CUX1: variants seen among roughly 807,000 people sequenced by gnomAD.
CUX1 encodes the protein cut like homeobox 1.
CUX1 carries 31 observed loss-of-function variants against 158.8 expected under a neutral mutation model. That is an observed-to-expected ratio of 0.20 (90% CI 0.15 to 0.26). The LOEUF (loss-of-function observed/expected upper bound fraction) is 0.26. CUX1 is among the 10% of genes least tolerant of loss of function. The probability of loss-of-function intolerance (pLI) is 1.00; values close to 1 mark genes in which losing one functional copy is unlikely to be tolerated. For missense variants in CUX1, 1,589 were observed against 2,014.6 expected, an observed-to-expected ratio of 0.79 and a Z score of 4.04; for synonymous variants, 879 against 862.1, an observed-to-expected ratio of 1.02 and a Z score of -0.34.
chr7:102,019,404 T>C (rs1819071960), intron 2 of CUX1, among the ~76,000 whole-genome samples: 1 of 152,154 alleles, frequency 6.6e-6, no homozygotes. Context: ...TTTCTATTTT[T>C]AGTAGAGTTG....
At chr7:102,141,789 A>ATTTTTT (rs71123009) in intron 8 of CUX1, among the ~76,000 whole-genome samples, 25 of 102,564 alleles carry the variant, frequency 2.4e-4, no homozygotes, top group Middle Eastern at 7.2e-3. Context: ...CTCTCAGCTA[A>ATTTTTT]TTTTTTTTTT....
At chr7:102,035,295 A>G (rs934385564) in intron 3 of CUX1, among the ~76,000 whole-genome samples, 1 of 152,150 alleles carries the variant, frequency 6.6e-6, no homozygotes, top group African/African-American at 2.4e-5. Flanking sequence ...GTTTCAGTAC[A>G]GTATTCAATA....
intron 3 of CUX1, among the ~76,000 whole-genome samples, chr7:102,038,275 G>A (rs1254192061): frequency 2.0e-5 from 3 of 152,176 alleles, no homozygotes; most frequent in Admixed American, 6.6e-5. Context: ...TGTATGTGGG[G>A]TAACCTTGGC....
chr7:101,816,887 G>A (rs1342365207), upstream of CUX1: 2 of 978,928 alleles, frequency 2.0e-6, no homozygotes, highest in Admixed American at 1.3e-4. Flanking sequence ...CCGCGCCGCC[G>A]CTCCGGCACC....
At position 101,858,241 on chromosome 7, in the gene CUX1, C is replaced by G. The variant is rs537839332; in HGVS notation, c.30+40572C>G. On this transcript the variant is annotated intron_variant, in intron 1 of 23. Transcript: ENST00000292535. ...ATTCCTTAAGAATAAAGTTAAGCAGCAGCTAACCAAGCACATGGCTAAAAA... is the reference window on the plus strand; with the variant it reads ...ATTCCTTAAGAATAAAGTTAAGCAGGAGCTAACCAAGCACATGGCTAAAAA... Among the ~76,000 whole-genome samples, 12 of 152,298 alleles carry G rather than the reference C, an allele frequency of 7.9e-5. No homozygotes were observed. In the South Asian group the frequency reaches 1.7e-3, roughly 21 times the overall value.
chr7:101,879,845 A>G (rs1359576616), intron 1 of CUX1, among the ~76,000 whole-genome samples: 2 of 152,228 alleles, frequency 1.3e-5, no homozygotes, highest in Non-Finnish European at 2.9e-5. Flanking sequence ...GTCTCTAAGC[A>G]CAGGACAGCC....
At chr7:102,181,186 C>T (rs1794294552) in intron 11 of CUX1, among the ~76,000 whole-genome samples, 1 of 152,012 alleles carries the variant, frequency 6.6e-6, no homozygotes, top group Admixed American at 6.6e-5. Flanking sequence ...GGTGATCCAC[C>T]CGCCTCCGCC....
rs1485362729 is a variant in CUX1 at position 101,817,955 on chromosome 7, G to A, written c.30+286G>A. ...CTCGAGATGCAGGCTTGTATCAAAC[G>A]AAGCGGGTTGGATTAAAACATATTT... is the stretch of plus-strand genomic sequence containing the variant. On this transcript the variant is annotated intron_variant, in intron 1 of 23. Coordinates refer to ENST00000292535, the MANE Select transcript of CUX1 (RefSeq NM_181552.4). The surrounding 1 kb of genome is among the most constrained non-coding windows in gnomAD (Gnocchi z 4.1). 4.6e-5 allele frequency among the ~76,000 whole-genome samples: 7 copies of A among 152,194 alleles called. No homozygotes were observed. The highest frequency in any genetic ancestry group is 1.0e-4 in the Non-Finnish European group (7 of 68,030).
At chr7:102,103,609 C>A (rs1202623973) in intron 5 of CUX1, among the ~76,000 whole-genome samples, 1 of 152,076 alleles carries the variant, frequency 6.6e-6, no homozygotes, top group African/African-American at 2.4e-5. Context: ...CTAATTCTTG[C>A]CCTTTTTGTA....
chr7:102,176,318 G>A (rs1554511933), intron 10 of CUX1, among the ~76,000 whole-genome samples: 1 of 152,120 alleles, frequency 6.6e-6, no homozygotes, highest in African/African-American at 2.4e-5. Context: ...GCCAGCTGGG[G>A]CCACGGTGCC....
intron 4 of CUX1, among the ~76,000 whole-genome samples, chr7:102,082,650 C>T (rs1827555117): frequency 6.8e-6 from 1 of 147,470 alleles, no homozygotes; most frequent in African/African-American, 2.4e-5. Flanking sequence ...GATCCCAGTA[C>T]CCAGCAACTG....
At chr7:101,919,318 G>C (rs1487244983) in intron 2 of CUX1, among the ~76,000 whole-genome samples, 1 of 152,126 alleles carries the variant, frequency 6.6e-6, no homozygotes, top group Admixed American at 6.5e-5. Flanking sequence ...GTTTGTTTGG[G>C]GTCTCAGTCT....
intron 19 of CUX1, chr7:102,280,230 C>A: frequency 1.5e-6 from 1 of 688,990 alleles, no homozygotes; most frequent in South Asian, 1.7e-5. Context: ...TTCCCTGGCT[C>A]CCCTCCACCT....
At position 102,082,876 on chromosome 7, in the gene CUX1, G is replaced by A. The variant is rs568766014; in HGVS notation, c.268+12459G>A. 3.0e-3 allele frequency among the ~76,000 whole-genome samples: 450 copies of A among 147,564 alleles called. 66 individuals are homozygous for A. Among genetic ancestry groups the A allele is most frequent in the Middle Eastern group, 0.014 (4 of 292 alleles). On this transcript the variant is annotated intron_variant, in intron 4 of 23. Coordinates refer to ENST00000292535, the MANE Select transcript of CUX1 (RefSeq NM_181552.4). Reference sequence around the variant, plus strand: ...AGTTATGTTGACAGACATTTGGTTGGTTGTGGGTATTATGAATCAGTCTAT... The same window carrying A: ...AGTTATGTTGACAGACATTTGGTTGATTGTGGGTATTATGAATCAGTCTAT...
intron 2 of CUX1, among the ~76,000 whole-genome samples, chr7:102,022,235 A>G (rs1179680506): frequency 4.6e-5 from 7 of 152,174 alleles, no homozygotes; most frequent in Admixed American, 2.6e-4. Flanking sequence ...TCCTCCAGCA[A>G]TTGGCATTAC....
At chr7:101,920,368 C>T (rs1245609014) in intron 2 of CUX1, among the ~76,000 whole-genome samples, 2 of 151,970 alleles carry the variant, frequency 1.3e-5, no homozygotes, top group African/African-American at 4.8e-5. Context: ...GTGATCCACC[C>T]GCCTCAGCCT....
At chr7:101,891,886 T>C (rs571818944) in intron 1 of CUX1, among the ~76,000 whole-genome samples, 1 of 152,356 alleles carries the variant, frequency 6.6e-6, no homozygotes, top group East Asian at 1.9e-4. Context: ...TGTCTACCAG[T>C]TTTTCATCAT....
intron 3 of CUX1, among the ~76,000 whole-genome samples, chr7:102,059,768 A>G (rs1824578540): frequency 6.6e-6 from 1 of 152,184 alleles, no homozygotes; most frequent in African/African-American, 2.4e-5. Context: ...TGCTCTTGAA[A>G]ACATTCTACA....
intron 20 of CUX1, among the ~76,000 whole-genome samples, chr7:102,205,840 C>T (rs1380105240): frequency 6.6e-6 from 1 of 152,130 alleles, no homozygotes; most frequent in South Asian, 2.1e-4. Flanking sequence ...CACAGCCCAC[C>T]GAGGCTGACC....
Sources: allele counts gnomAD v4.1 joint callset (sites outside exome capture counted in the v4.1 genomes callset), GRCh38; gene constraint gnomAD v4.1.1; non-coding constraint Gnocchi (gnomAD v3.1); transcripts MANE v1.5; gene names NCBI Gene and HGNC (gene_info 2026-07-23, HGNC 2026-07-21).